The following ERBB4 variants were observed in gnomAD, a reference collection of about 807,000 sequenced individuals.
The protein encoded by ERBB4 is receptor tyrosine-protein kinase erbB-4.
Under a neutral mutation model 158.0 loss-of-function variants are expected in ERBB4, and 42 were observed. The observed-to-expected ratio is 0.27, with a 90% CI of 0.21 to 0.34. The LOEUF is 0.34. Among genes scored for constraint, ERBB4 ranks in the 10% least tolerant of loss-of-function variants. The probability of loss-of-function intolerance (pLI) is 1.00; values close to 1 mark genes in which losing one functional copy is unlikely to be tolerated. For missense variants in ERBB4, 1,333 were observed against 1,624.1 expected, an observed-to-expected ratio of 0.82 and a Z score of 3.08; for synonymous variants, 583 against 558.7, an observed-to-expected ratio of 1.04 and a Z score of -0.61.
chr2:211,529,292 G>T (rs994865615), intron 20 of ERBB4, among the ~76,000 whole-genome samples: 2 of 151,600 alleles, frequency 1.3e-5, no homozygotes, highest in South Asian at 4.2e-4. Context: ...ACAACCTACC[G>T]AGATTGAACC....
At chr2:212,001,517 C>T (rs185565396) in intron 2 of ERBB4, among the ~76,000 whole-genome samples, 8 of 152,278 alleles carry the variant, frequency 5.3e-5, no homozygotes, top group Admixed American at 1.3e-4. Flanking sequence ...GCCAAGGAAA[C>T]TATATTTATT....
In ERBB4 at chr2:211,960,332, A is replaced by C. The variant is rs116118094; in HGVS notation, c.235-12716T>G. 7.5e-3 allele frequency among the ~76,000 whole-genome samples: 1,148 copies of C among 152,262 alleles called. 14 individuals carry two copies. The highest frequency in any genetic ancestry group is 0.025 in the African/African-American group (1,057 of 41,568). ...TGATGAGGTAACTTAAATTTCAAAA[A>C]TAATTACAACTGATTATAATCCATA... On this transcript the variant is annotated intron_variant, in intron 2 of 27. Transcript: ENST00000342788.
intron 1 of ERBB4, among the ~76,000 whole-genome samples, chr2:212,190,318 C>G (rs1388374711): frequency 1.3e-5 from 2 of 152,108 alleles, no homozygotes; most frequent in Non-Finnish European, 2.9e-5. Context: ...GGGCGGATCA[C>G]GAGGTCAGGA....
At chr2:211,615,918 T>C (rs2069370090) in intron 19 of ERBB4, among the ~76,000 whole-genome samples, 1 of 152,126 alleles carries the variant, frequency 6.6e-6, no homozygotes, top group Non-Finnish European at 1.5e-5. Flanking sequence ...GCAATTTCCA[T>C]TGTCTTTGAA....
chr2:211,731,815 A>C lies in ERBB4; in HGVS notation c.623-6621T>G, dbSNP rs117494734. 2.4e-3 allele frequency among the ~76,000 whole-genome samples: 365 copies of C among 152,284 alleles called. 4 individuals carry two copies. Among genetic ancestry groups the C allele is most frequent in the Admixed American group, 0.016 (252 of 15,298 alleles). On this transcript the variant is annotated intron_variant, in intron 5 of 27. Transcript: ENST00000342788. ...GAGGCGTTACTTACAGAGCATGTGT[A>C]AAAAATCAGGTTCAATGAAACTAAT...
chr2:212,418,511 CTAAAATAAAA>C (rs908285177), intron 1 of ERBB4, among the ~76,000 whole-genome samples: 2 of 148,766 alleles, frequency 1.3e-5, no homozygotes, highest in South Asian at 2.1e-4. Flanking sequence ...GTCTGCCTTG[CTAAAATAAAA>C]TAAAATAAAA....
At chr2:211,939,994 T>C (rs954596116) in intron 3 of ERBB4, among the ~76,000 whole-genome samples, 3 of 151,352 alleles carry the variant, frequency 2.0e-5, no homozygotes, top group Non-Finnish European at 4.4e-5. Flanking sequence ...TATAGATAGA[T>C]AGATAGATAG....
rs143695141 is a variant in ERBB4, at chr2:212,525,946, T to A, written c.82+12503A>T. On this transcript the variant is annotated intron_variant, in intron 1 of 27. Coordinates refer to ENST00000342788, the MANE Select transcript of ERBB4 (RefSeq NM_005235.3). Reference sequence around the variant, plus strand: ...TACCAAAAGTCCACTACAAATGTCCTTGAAACAAAGCTATTACTGATATTT... The same window carrying A: ...TACCAAAAGTCCACTACAAATGTCCATGAAACAAAGCTATTACTGATATTT... Among the ~76,000 whole-genome samples the A allele has an allele frequency of 2.0e-5, 3 of 152,180 alleles. No individual in the cohort carries two copies. The East Asian group carries it at 5.8e-4, about 29-fold the overall frequency.
chr2:212,077,309 T>C (rs2078304704), intron 2 of ERBB4, among the ~76,000 whole-genome samples: 1 of 151,960 alleles, frequency 6.6e-6, no homozygotes, highest in Non-Finnish European at 1.5e-5. Context: ...TTATACACCG[T>C]AAGATATATA....
intron 2 of ERBB4, among the ~76,000 whole-genome samples, chr2:212,104,540 G>A (rs888679751): frequency 1.3e-5 from 2 of 151,900 alleles, no homozygotes; most frequent in South Asian, 4.2e-4. Context: ...AAATACATTG[G>A]GTCATTACAA....
At chr2:211,673,503 T>C (rs1456243805) in intron 13 of ERBB4, among the ~76,000 whole-genome samples, 2 of 25,288 alleles carry the variant, frequency 7.9e-5, no homozygotes, top group Non-Finnish European at 2.3e-4. Flanking sequence ...CTGCAAGACA[T>C]ATTCCAGCAA....
At chr2:212,057,167 T>A (rs889137527) in intron 2 of ERBB4, among the ~76,000 whole-genome samples, 2 of 151,950 alleles carry the variant, frequency 1.3e-5, no homozygotes, top group East Asian at 1.9e-4. Flanking sequence ...CCAGCAAAGA[T>A]CGAAAGAGAC....
intron 1 of ERBB4, among the ~76,000 whole-genome samples, chr2:212,410,787 C>T (rs914052614): frequency 4.6e-5 from 7 of 152,042 alleles, no homozygotes; most frequent in Non-Finnish European, 8.8e-5. Flanking sequence ...GTGAATTAAA[C>T]TGCTTTTGTA....
At chr2:211,695,326 T>C (rs971675328) in intron 12 of ERBB4, among the ~76,000 whole-genome samples, 1 of 152,164 alleles carries the variant, frequency 6.6e-6, no homozygotes, top group African/African-American at 2.4e-5. Context: ...ATTTTTCTAC[T>C]GTCAAATTTC....
chr2:212,449,535 T>C (rs1392627524), intron 1 of ERBB4, among the ~76,000 whole-genome samples: 2 of 152,158 alleles, frequency 1.3e-5, no homozygotes, highest in African/African-American at 4.8e-5. Flanking sequence ...TAATGATAAA[T>C]ATTACTCTAA....
chr2:212,079,831 T>C (rs1255670806), intron 2 of ERBB4, among the ~76,000 whole-genome samples: 2 of 152,122 alleles, frequency 1.3e-5, no homozygotes, highest in Admixed American at 1.3e-4. Context: ...CTTTCTTTGA[T>C]AGTGCAAAAT....
intron 3 of ERBB4, among the ~76,000 whole-genome samples, chr2:211,857,882 G>A (rs2077911280): frequency 6.6e-6 from 1 of 152,228 alleles, no homozygotes; most frequent in Non-Finnish European, 1.5e-5. Flanking sequence ...TATAGTAAGA[G>A]TGAAGCACAC....
intron 16 of ERBB4, among the ~76,000 whole-genome samples, chr2:211,648,635 T>C (rs942851107): frequency 6.6e-6 from 1 of 151,742 alleles, no homozygotes; most frequent in Admixed American, 6.6e-5. Context: ...GTGGGAAGAA[T>C]TTTTCTTGGG....
intron 3 of ERBB4, among the ~76,000 whole-genome samples, chr2:211,803,590 G>A (rs1221012880): frequency 6.6e-6 from 1 of 152,206 alleles, no homozygotes; most frequent in Non-Finnish European, 1.5e-5. Context: ...AAGAGACAAT[G>A]TGAACTCAGG....
Sources: allele counts gnomAD v4.1 joint callset (sites outside exome capture counted in the v4.1 genomes callset), GRCh38; gene constraint gnomAD v4.1.1; transcripts MANE v1.5; gene names NCBI Gene and HGNC (gene_info 2026-07-23, HGNC 2026-07-21).